KDM4C: variants seen among roughly 807,000 people sequenced by gnomAD.
KDM4C encodes the protein lysine demethylase 4C, also known as lysine-specific demethylase 4C.
A neutral mutation model predicts 129.3 loss-of-function variants in KDM4C; 81 were observed. The ratio of observed to expected loss-of-function variants is 0.63; its 90% CI spans 0.52 to 0.75. The LOEUF is 0.75. KDM4C is among the 30% of genes least tolerant of loss of function. KDM4C has a pLI of 0.00. For missense variants in KDM4C, 1,457 were observed against 1,304.0 expected, an observed-to-expected ratio of 1.12 and a Z score of -1.81; for synonymous variants, 573 against 456.1, an observed-to-expected ratio of 1.26 and a Z score of -3.26.
chr9:6,980,970 G>A lies in KDM4C; in HGVS notation c.967G>A (p.Val323Met). 6.2e-7 allele frequency: 1 copy of A among 1,613,728 alleles called. No individual in the cohort carries two copies. Among genetic ancestry groups the A allele is most frequent in the Non-Finnish European group, 8.5e-7 (1 of 1,179,790 alleles). Residue 323 changes from valine (V) to methionine (M), a missense_variant, in exon 9 of 22, where the codon GTG (valine) becomes ATG (methionine). Val to Met is a conservative substitution (Grantham distance 21, BLOSUM62 1). Transcript: ENST00000381309. ...GGTGAAGATTTCAATGGATATCTTT[G>A]TGAGGAAATTTCAGCCAGACAGATA... is the stretch of plus-strand genomic sequence containing the variant. ...DMVKISMDIF[V>M]RKFQPDRYQL...
In KDM4C at chr9:7,015,975, C is replaced by A. The variant is rs748843152; in HGVS notation, c.2259+46C>A. ...TTGCTTAACCTTTCTTCCCACCCTA[C>A]CCACTGTGGACACATTTAAGTCTAG... On this transcript the variant is annotated intron_variant, in intron 15 of 21. Transcript: ENST00000381309. The A allele has an allele frequency of 7.4e-6, 10 of 1,346,110 alleles. No homozygotes were observed. In the Admixed American group the frequency reaches 1.5e-4, roughly 20 times the overall value. The allele number at this position is 1,346,110 out of a possible 1,614,324, so 83.4% of individuals were successfully genotyped here.
chr9:7,038,479 A>G (rs1828020288), intron 15 of KDM4C, among the ~76,000 whole-genome samples: 1 of 152,100 alleles, frequency 6.6e-6, no homozygotes, highest in Admixed American at 6.6e-5. Flanking sequence ...TTAGTATCCC[A>G]GTGGCTGTGG....
chr9:6,925,197 GTT>G, intron 8 of KDM4C: 1 of 985,282 alleles, frequency 1.0e-6, no homozygotes, highest in East Asian at 1.1e-4. Flanking sequence ...GGCTGTCACT[GTT>G]GGCGATACAG....
chr9:6,751,978 G>T (rs1232323744), intron 1 of KDM4C, among the ~76,000 whole-genome samples: 1 of 152,270 alleles, frequency 6.6e-6, no homozygotes, highest in South Asian at 2.1e-4. Flanking sequence ...TTAGGTTCTT[G>T]TTTGTGATAC....
At chr9:7,106,481 A>G (rs1348174968) in intron 18 of KDM4C, among the ~76,000 whole-genome samples, 1 of 152,200 alleles carries the variant, frequency 6.6e-6, no homozygotes, top group Non-Finnish European at 1.5e-5. Flanking sequence ...GGATGCCTGT[A>G]TGATTTAGGT....
At chr9:7,145,951 C>G (rs1842178155) in intron 19 of KDM4C, among the ~76,000 whole-genome samples, 1 of 152,248 alleles carries the variant, frequency 6.6e-6, no homozygotes, top group Non-Finnish European at 1.5e-5. Context: ...ATGTTGCTCT[C>G]AGGTGTGGAA....
At chr9:6,825,052 A>G (rs1833665738) in intron 4 of KDM4C, among the ~76,000 whole-genome samples, 3 of 151,894 alleles carry the variant, frequency 2.0e-5, no homozygotes, top group Admixed American at 6.6e-5. Flanking sequence ...AGGCAGAGTC[A>G]AGAGAATTGC....
At chr9:6,941,450 G>A (rs1589225214) in intron 8 of KDM4C, 1 of 152,162 alleles carries the variant, frequency 6.6e-6, no homozygotes, top group East Asian at 1.9e-4. Flanking sequence ...TTAGAATCAA[G>A]TGTGCATTAT....
At chr9:6,850,946 G>T (rs918045364) in intron 5 of KDM4C, among the ~76,000 whole-genome samples, 2 of 151,288 alleles carry the variant, frequency 1.3e-5, no homozygotes, top group Non-Finnish European at 2.9e-5. Flanking sequence ...GTAGAGATGG[G>T]GTTTCACCAT....
chr9:6,963,725 G>A (rs1394861349), intron 8 of KDM4C, among the ~76,000 whole-genome samples: 4 of 152,062 alleles, frequency 2.6e-5, no homozygotes, highest in East Asian at 1.9e-4. Flanking sequence ...TGTGTCTTCC[G>A]CACATTCTTC....
At chr9:7,020,561 A>G (rs1824615331) in intron 15 of KDM4C, among the ~76,000 whole-genome samples, 1 of 152,214 alleles carries the variant, frequency 6.6e-6, no homozygotes, top group Non-Finnish European at 1.5e-5. Flanking sequence ...TCCAAACATT[A>G]CCAAATCCAG....
intron 15 of KDM4C, among the ~76,000 whole-genome samples, chr9:7,040,865 T>C (rs1383042807): frequency 6.6e-6 from 1 of 152,002 alleles, no homozygotes; most frequent in East Asian, 1.9e-4. Context: ...AGGTATGTTT[T>C]ATTTATATTT....
Position 6,804,221 on chromosome 9 carries a change from C to G in KDM4C, c.145-1378C>G, listed in dbSNP as rs189329714. 3.3e-5 allele frequency among the ~76,000 whole-genome samples: 5 copies of G among 152,318 alleles called. No individual in the cohort carries two copies. The East Asian group carries it at 9.6e-4, about 29-fold the overall frequency. The stretch of plus-strand genomic sequence containing the variant: ...TAATTAAGTACTTAAATACTGCAGG[C>G]AAACACTGGTGTGCTGAGGCACCTT... On this transcript the variant is annotated intron_variant, in intron 2 of 21. Coordinates refer to ENST00000381309, the MANE Select transcript of KDM4C (RefSeq NM_015061.6).
At chr9:7,106,987 C>T (rs1837766633) in intron 18 of KDM4C, among the ~76,000 whole-genome samples, 1 of 151,938 alleles carries the variant, frequency 6.6e-6, no homozygotes, top group Admixed American at 6.6e-5. Context: ...AAAAGTGTGT[C>T]ACAGGAAGTA....
intron 4 of KDM4C, among the ~76,000 whole-genome samples, chr9:6,829,337 A>T (rs1376985775): frequency 6.6e-6 from 1 of 152,216 alleles, no homozygotes; most frequent in East Asian, 1.9e-4. Flanking sequence ...GTTCTGGATG[A>T]TTGGCATGCC....
upstream of KDM4C, among the ~76,000 whole-genome samples, chr9:6,756,971 C>T (rs1818336072): frequency 6.6e-6 from 1 of 152,112 alleles, no homozygotes; most frequent in African/African-American, 2.4e-5. Context: ...AAGATATGCC[C>T]AATCTTTCTT....
At chr9:7,106,543 A>C (rs1027382757) in intron 18 of KDM4C, among the ~76,000 whole-genome samples, 5 of 152,180 alleles carry the variant, frequency 3.3e-5, no homozygotes, top group Admixed American at 2.0e-4. Context: ...ATTTTTACTC[A>C]CTTTAGGGTT....
At chr9:7,093,647 A>C (rs370222037) in intron 17 of KDM4C, among the ~76,000 whole-genome samples, 1 of 152,304 alleles carries the variant, frequency 6.6e-6, no homozygotes, top group East Asian at 1.9e-4. Context: ...TCTTGTCAGA[A>C]AAATACTTTT....
intron 5 of KDM4C, among the ~76,000 whole-genome samples, chr9:6,863,107 G>C (rs962497092): frequency 1.3e-5 from 2 of 152,138 alleles, no homozygotes; most frequent in East Asian, 3.9e-4. Flanking sequence ...TTAAAGAGGT[G>C]ACAACGTATA....
Sources: allele counts gnomAD v4.1 joint callset (sites outside exome capture counted in the v4.1 genomes callset), GRCh38; gene constraint gnomAD v4.1.1; transcripts MANE v1.5; gene names NCBI Gene and HGNC (gene_info 2026-07-23, HGNC 2026-07-21).